GRM5: variants seen among roughly 807,000 people sequenced by gnomAD.
GRM5 encodes metabotropic glutamate receptor 5.
A neutral mutation model predicts 83.1 loss-of-function variants in GRM5; 19 were observed. The observed-to-expected ratio is 0.23, with a 90% confidence interval of 0.16 to 0.34. GRM5 has a LOEUF of 0.34. Ranked by LOEUF, GRM5 falls within the 10% of genes least tolerant of loss-of-function variation. GRM5 has a pLI of 1.00. For synonymous variants in GRM5, 675 were observed against 633.6 expected, an observed-to-expected ratio of 1.07 and a Z score of -0.98; for missense variants, 1,160 against 1,588.3, an observed-to-expected ratio of 0.73 and a Z score of 4.58.
rs181011696 is a variant in GRM5 at position 88,778,611 on chromosome 11, G to T, written c.911+71295C>A. Among the ~76,000 whole-genome samples, 4 of 152,208 alleles carry T rather than the reference G, an allele frequency of 2.6e-5. No homozygotes were observed. In the East Asian group the frequency reaches 7.7e-4, roughly 29 times the overall value. ...AATGCCCACTGCTCTTCATTTTTAT[G>T]TTGTTATTAAAATACTTAAAACTAT... On this transcript the variant is annotated intron_variant, in intron 3 of 9. Coordinates refer to ENST00000305447, the MANE Select transcript of GRM5 (RefSeq NM_001143831.3).
At chr11:88,957,862 C>T (rs1938670721) in intron 2 of GRM5, among the ~76,000 whole-genome samples, 2 of 151,774 alleles carry the variant, frequency 1.3e-5, no homozygotes, top group South Asian at 4.2e-4. Flanking sequence ...CAAATTTATC[C>T]CACAAAAGCA....
intron 3 of GRM5, among the ~76,000 whole-genome samples, chr11:88,669,208 A>G (rs1003307788): frequency 6.6e-6 from 1 of 152,164 alleles, no homozygotes; most frequent in Non-Finnish European, 1.5e-5. Context: ...TTAATTTTCG[A>G]AAGCTGGTCA....
intron 2 of GRM5, among the ~76,000 whole-genome samples, chr11:88,916,137 T>A (rs1457342190): frequency 6.6e-6 from 1 of 152,130 alleles, no homozygotes; most frequent in Admixed American, 6.5e-5. Flanking sequence ...CAGCAATTGT[T>A]CCCCTTGCAG....
chr11:88,981,233 G>A (rs1939511363), intron 2 of GRM5, among the ~76,000 whole-genome samples: 1 of 152,090 alleles, frequency 6.6e-6, no homozygotes, highest in Admixed American at 6.6e-5. Context: ...ATAGGCCACT[G>A]CATTCAAACA....
At chr11:88,989,041 C>T (rs1483183286) in intron 2 of GRM5, among the ~76,000 whole-genome samples, 12 of 151,106 alleles carry the variant, frequency 7.9e-5, no homozygotes, top group African/African-American at 2.9e-4. Flanking sequence ...GGACTAAATG[C>T]TCCAATTAAA....
At chr11:88,834,895 G>A (rs1231722741) in intron 3 of GRM5, among the ~76,000 whole-genome samples, 1 of 152,060 alleles carries the variant, frequency 6.6e-6, no homozygotes, top group Admixed American at 6.6e-5. Context: ...CTACTTTTTC[G>A]ATTTTAGGGT....
At chr11:88,882,978 C>T (rs1232153590) in intron 2 of GRM5, among the ~76,000 whole-genome samples, 1 of 152,182 alleles carries the variant, frequency 6.6e-6, no homozygotes, top group Non-Finnish European at 1.5e-5. Flanking sequence ...ACACGTAAGA[C>T]ATGACTTTGC....
chr11:89,042,101 A>G (rs1434842079), intron 2 of GRM5, among the ~76,000 whole-genome samples: 1 of 152,084 alleles, frequency 6.6e-6, no homozygotes. Flanking sequence ...CTGGAGTGCA[A>G]TGGCATGATC....
chr11:88,784,941 A>G (rs1209110452), intron 3 of GRM5, among the ~76,000 whole-genome samples: 6 of 152,090 alleles, frequency 3.9e-5, no homozygotes, highest in African/African-American at 1.4e-4. Flanking sequence ...TGACATATAA[A>G]TCATAGACTA....
rs1463460780 is a variant in GRM5 at position 88,505,215 on chromosome 11, T to G, written c.*3377A>C. The stretch of plus-strand genomic sequence containing the variant: ...AATTGTAAATGGTAACTATAGAGAT[T>G]CTGACAGCTTGAGGGTTATTAATAA... On this transcript the variant is annotated 3_prime_UTR_variant, in exon 10 of 10. Transcript: ENST00000305447. The G allele has an allele frequency of 6.6e-6, 1 of 152,218 alleles. No individual in the cohort carries two copies. Among genetic ancestry groups the G allele is most frequent in the Non-Finnish European group, 1.5e-5 (1 of 68,030 alleles). The allele number at this position is 152,218 out of a possible 1,614,324, so 9.4% of individuals were successfully genotyped here. A position where few individuals can be genotyped will look rare whatever the true frequency, so the allele number is the denominator to read the frequency against.
chr11:88,920,476 T>C (rs1187643636), intron 2 of GRM5, among the ~76,000 whole-genome samples: 1 of 147,220 alleles, frequency 6.8e-6, no homozygotes, highest in African/African-American at 2.5e-5. Flanking sequence ...TGCTAAATTC[T>C]ACCAAACACT....
chr11:88,881,787 T>A (rs185077583), intron 2 of GRM5, among the ~76,000 whole-genome samples: 3 of 152,078 alleles, frequency 2.0e-5, no homozygotes, highest in Non-Finnish European at 4.4e-5. Flanking sequence ...GAAAAAAAAA[T>A]CCTTATTGTT....
intron 2 of GRM5, among the ~76,000 whole-genome samples, chr11:88,969,496 T>A (rs1939099669): frequency 6.6e-6 from 1 of 152,240 alleles, no homozygotes; most frequent in South Asian, 2.1e-4. Flanking sequence ...CAGTGATCTC[T>A]TGGAACTCCT....
At chr11:88,808,915 G>T (rs1186154192) in intron 3 of GRM5, among the ~76,000 whole-genome samples, 1 of 151,944 alleles carries the variant, frequency 6.6e-6, no homozygotes, top group African/African-American at 2.4e-5. Flanking sequence ...AGAAATAATT[G>T]TTTGGCATTT....
chr11:88,973,973 C>T (rs1266578427), intron 2 of GRM5, among the ~76,000 whole-genome samples: 1 of 152,074 alleles, frequency 6.6e-6, no homozygotes, highest in Non-Finnish European at 1.5e-5. Context: ...GGAGGAAGAT[C>T]AACACTTTCT....
At chr11:88,687,871 T>C (rs1291159801) in intron 3 of GRM5, among the ~76,000 whole-genome samples, 1 of 151,800 alleles carries the variant, frequency 6.6e-6, no homozygotes, top group African/African-American at 2.4e-5. Flanking sequence ...GATTATGAGA[T>C]AGTGATAGTA....
chr11:88,926,534 C>A (rs1164785472), intron 2 of GRM5, among the ~76,000 whole-genome samples: 2 of 152,154 alleles, frequency 1.3e-5, no homozygotes, highest in African/African-American at 4.8e-5. Context: ...TTTATCTCTT[C>A]ACATATACCT....
intron 8 of GRM5, among the ~76,000 whole-genome samples, chr11:88,530,457 C>G (rs1297950104): frequency 2.6e-5 from 4 of 151,940 alleles, no homozygotes; most frequent in African/African-American, 4.8e-5. Context: ...TGTTGTTGTT[C>G]TTCTTCTTGT....
In GRM5 at chr11:88,823,142, T is replaced by C. The variant is rs138050588; in HGVS notation, c.911+26764A>G. Among the ~76,000 whole-genome samples, 1,203 of 151,932 alleles carry C rather than the reference T, an allele frequency of 7.9e-3. 25 individuals carry two copies. The highest frequency in any genetic ancestry group is 0.072 in the East Asian group (371 of 5,172). On this transcript the variant is annotated intron_variant, in intron 3 of 9. Coordinates refer to ENST00000305447, the MANE Select transcript of GRM5 (RefSeq NM_001143831.3). ...TGCCTTTTTGTTTTACATTTTTAGATATTTCCTCGATTTGTTTCTTCATAC... is the reference window on the plus strand; with the variant it reads ...TGCCTTTTTGTTTTACATTTTTAGACATTTCCTCGATTTGTTTCTTCATAC...
Sources: allele counts gnomAD v4.1 joint callset (sites outside exome capture counted in the v4.1 genomes callset), GRCh38; gene constraint gnomAD v4.1.1; transcripts MANE v1.5; gene names NCBI Gene and HGNC (gene_info 2026-07-23, HGNC 2026-07-21).